The following AGO3 variants were observed in gnomAD, a reference collection of about 807,000 sequenced individuals.
AGO3 encodes argonaute RISC catalytic component 3, also known as protein argonaute-3.
In AGO3, 16 loss-of-function variants were observed where a neutral mutation model predicts 105.5. The observed-to-expected ratio is 0.15, with a 90% CI of 0.10 to 0.23. The LOEUF is 0.23. Ranked by LOEUF, AGO3 falls within the 10% of genes least tolerant of loss-of-function variation. The pLI is 1.00. For synonymous variants in AGO3, 340 were observed against 367.3 expected (o/e 0.93, Z 0.85); for missense variants, 534 against 1,088.0 (o/e 0.49, Z 7.16).
At position 36,061,638 on chromosome 1, in the gene AGO3, C is replaced by G. The variant is rs555749159; in HGVS notation, c.*5893C>G. On this transcript the variant is annotated 3_prime_UTR_variant, in exon 19 of 19. Coordinates refer to ENST00000373191, the MANE Select transcript of AGO3 (RefSeq NM_024852.4). ...CATCGGGGTCCCTTCCTTTTTTAGACTAATTTCTAAGGTAACCAGAATCTA... is the reference window on the plus strand; with the variant it reads ...CATCGGGGTCCCTTCCTTTTTTAGAGTAATTTCTAAGGTAACCAGAATCTA... 1.4e-4 allele frequency: 22 copies of G among 152,132 alleles called. No individual in the cohort carries two copies. Among genetic ancestry groups the G allele is most frequent in the Non-Finnish European group, 2.6e-4 (18 of 68,008 alleles). 9.4% of individuals were successfully genotyped at this position (152,132 alleles called of 1,614,324 possible).
At chr1:35,952,149 T>TTTC (rs1557648239) in intron 2 of AGO3, among the ~76,000 whole-genome samples, 1 of 103,394 alleles carries the variant, frequency 9.7e-6, no homozygotes, top group Non-Finnish European at 1.8e-5. Context: ...TCTTTCTTTC[T>TTTC]TTTTTTTTTT....
At chr1:35,980,611 T>C (rs1647035921) in intron 5 of AGO3, among the ~76,000 whole-genome samples, 2 of 152,218 alleles carry the variant, frequency 1.3e-5, no homozygotes, top group African/African-American at 4.8e-5. Flanking sequence ...TTTGGCTAGA[T>C]GTGGAATTGT....
At chr1:35,982,364 G>T (rs957084204) in intron 5 of AGO3, among the ~76,000 whole-genome samples, 1 of 152,058 alleles carries the variant, frequency 6.6e-6, no homozygotes, top group African/African-American at 2.4e-5. Context: ...TATCAGAACT[G>T]GTATGATCAG....
intron 5 of AGO3, among the ~76,000 whole-genome samples, chr1:35,973,774 A>G (rs1646909335): frequency 6.6e-6 from 1 of 152,206 alleles, no homozygotes. Context: ...ATCTTCTATT[A>G]TAACTCACTT....
rs577744264 is a variant in AGO3 at position 35,968,278 on chromosome 1, CATATGTAACATAAA to C, written c.312+1206_312+1219del. On this transcript the variant is annotated intron_variant, in intron 3 of 18. Transcript: ENST00000373191. ...GATTCTTTTTGTAATTGTGATAAAACATATGTAACATAAAATTTACCGTCTTAACCATTTTTAAG... is the reference window on the plus strand; with the variant it reads ...GATTCTTTTTGTAATTGTGATAAAACATTTACCGTCTTAACCATTTTTAAG... Among the ~76,000 whole-genome samples the C allele has an allele frequency of 3.1e-3, 468 of 152,244 alleles. 1 individual carries two copies. Among genetic ancestry groups the C allele is most frequent in the Middle Eastern group, 0.01 (3 of 294 alleles).
chr1:35,956,115 A>G (rs908077840), intron 2 of AGO3, among the ~76,000 whole-genome samples: 1 of 152,200 alleles, frequency 6.6e-6, no homozygotes, highest in African/African-American at 2.4e-5. Flanking sequence ...CCTCTGGTAC[A>G]TATTTTTCTG....
In AGO3 at chr1:35,938,916, T is replaced by G. The variant is rs534149114; in HGVS notation, c.20-6776T>G. Among the ~76,000 whole-genome samples, 5 of 152,276 alleles carry G rather than the reference T, an allele frequency of 3.3e-5. No homozygotes were observed. In the South Asian group the frequency reaches 1.0e-3, roughly 32 times the overall value. ...TTTAGACTTTCCAACTGGTACACAT[T>G]GGATTACTAGATGAGTGAACAACAT... On this transcript the variant is annotated intron_variant, in intron 1 of 18. Coordinates refer to ENST00000373191, the MANE Select transcript of AGO3 (RefSeq NM_024852.4).
intron 6 of AGO3, among the ~76,000 whole-genome samples, chr1:36,007,715 T>C (rs1163915024): frequency 6.6e-6 from 1 of 151,874 alleles, no homozygotes; most frequent in Non-Finnish European, 1.5e-5. Context: ...CTAAATAAAA[T>C]TAAATTTTCA....
At chr1:36,047,051 C>T (rs1383616545) in intron 17 of AGO3, among the ~76,000 whole-genome samples, 1 of 152,016 alleles carries the variant, frequency 6.6e-6, no homozygotes, top group African/African-American at 2.4e-5. Context: ...TCAAGACCAG[C>T]CTGACCAACA....
intron 5 of AGO3, among the ~76,000 whole-genome samples, chr1:35,973,854 C>T (rs1646910680): frequency 6.6e-6 from 1 of 152,138 alleles, no homozygotes. Flanking sequence ...TTCTGTTGGG[C>T]ATGGTGACCC....
intron 12 of AGO3, among the ~76,000 whole-genome samples, chr1:36,032,609 C>G (rs1299020025): frequency 3.3e-5 from 5 of 152,134 alleles, no homozygotes; most frequent in African/African-American, 7.2e-5. Context: ...GTCTCTAACT[C>G]CTGGGCTCAA....
chr1:35,995,207 AAAATAT>A (rs1283912753), intron 5 of AGO3, among the ~76,000 whole-genome samples: 2 of 106,482 alleles, frequency 1.9e-5, no homozygotes, highest in Admixed American at 9.6e-5. Context: ...TCTAAAAAAA[AAAATAT>A]ATATATATAT....
chr1:36,020,967 C>G (rs1396890247), intron 11 of AGO3, among the ~76,000 whole-genome samples: 1 of 152,042 alleles, frequency 6.6e-6, no homozygotes, highest in Non-Finnish European at 1.5e-5. Context: ...GAGTCTCGTT[C>G]TGTCACCCAG....
Position 36,027,255 on chromosome 1 carries a change from A to G in AGO3, c.1548A>G (p.Leu516=). 6.2e-7 allele frequency: 1 copy of G among 1,614,102 alleles called. No homozygotes were observed. The highest frequency in any genetic ancestry group is 8.5e-7 in the Non-Finnish European group (1 of 1,179,984). ...FRHLKNTYSG[L]QLIIVILPGK... The stretch of plus-strand genomic sequence containing the variant: ...ATCTCAAGAACACATATTCTGGCCT[A>G]CAGCTTATTATCGTCATCCTGCCGG... The change falls in exon 12 of 19, where the codon CTA becomes CTG. Residue 516 remains leucine (L), a synonymous_variant. Transcript: ENST00000373191. This position sits in a 1 kb window ranked among gnomAD's most constrained non-coding sequence, Gnocchi z 4.0.
In AGO3 at chr1:36,027,050, A is replaced by G. The variant is rs274727; in HGVS notation, c.1407-64A>G. 15,469 of 1,529,828 alleles carry G rather than the reference A, an allele frequency of 0.01. 1,238 individuals carry two copies. In the African/African-American group the frequency reaches 0.18, roughly 18 times the overall value. 94.8% of individuals were successfully genotyped at this position (1,529,828 alleles called of 1,614,324 possible). Reference sequence around the variant, plus strand: ...CTTCCATTCCCTTCCCAAACTTCCCATTACTACTTTGTAGGAATTCATGAC... The same window carrying G: ...CTTCCATTCCCTTCCCAAACTTCCCGTTACTACTTTGTAGGAATTCATGAC... On this transcript the variant is annotated intron_variant, in intron 11 of 18. Transcript: ENST00000373191. The surrounding 1 kb of genome is among the most constrained non-coding windows in gnomAD (Gnocchi z 4.0).
At chr1:35,990,462 T>C (rs1220459557) in intron 5 of AGO3, among the ~76,000 whole-genome samples, 5 of 152,228 alleles carry the variant, frequency 3.3e-5, no homozygotes, top group East Asian at 1.9e-4. Flanking sequence ...GAGCCAAGAT[T>C]GCACCACTGC....
intron 2 of AGO3, among the ~76,000 whole-genome samples, chr1:35,952,933 A>G (rs993520389): frequency 6.6e-6 from 1 of 152,230 alleles, no homozygotes; most frequent in African/African-American, 2.4e-5. Context: ...GTATGGATAT[A>G]ATACATTTTG....
rs1557722340 is a variant in AGO3 at position 36,064,166 on chromosome 1, G to A, written c.*8421G>A. 6.6e-6 allele frequency: 1 copy of A among 152,388 alleles called. No homozygotes were observed. Among genetic ancestry groups the A allele is most frequent in the Non-Finnish European group, 1.5e-5 (1 of 68,174 alleles). The allele number at this position is 152,388 out of a possible 1,614,324, so 9.4% of individuals were successfully genotyped here. A position where few individuals can be genotyped will look rare whatever the true frequency, so the allele number is the denominator to read the frequency against. On this transcript the variant is annotated 3_prime_UTR_variant, in exon 19 of 19. Coordinates refer to ENST00000373191, the MANE Select transcript of AGO3 (RefSeq NM_024852.4). ...AGGCCGAGGCAGGCAGACCACCTGA[G>A]GTCAGGGGTTCGTGACCAGCCTGGC...
Position 36,040,316 on chromosome 1 carries a change from T to C in AGO3, c.2047T>C (p.Tyr683His). ...SEGQFRQVLY[Y>H]ELLAIREACI... Reference sequence around the variant, plus strand: ...ATTTCATATTCTCTAGGTATTATATTATGAACTACTAGCAATTCGAGAAGC... The same window carrying C: ...ATTTCATATTCTCTAGGTATTATATCATGAACTACTAGCAATTCGAGAAGC... Residue 683 changes from tyrosine to histidine, a missense_variant, in exon 16 of 19, where the codon TAT becomes CAT. Around this residue, in one of 2 missense-constraint regions of AGO3, gnomAD observed 373 missense variants for 854.0 expected, o/e 0.44. Coordinates refer to ENST00000373191, the MANE Select transcript of AGO3 (RefSeq NM_024852.4). The C allele has an allele frequency of 4.3e-6, 7 of 1,613,270 alleles. No individual in the cohort carries two copies. The highest frequency in any genetic ancestry group is 5.1e-6 in the Non-Finnish European group (6 of 1,179,358).
Sources: gnomAD v4.1 joint callset for allele counts (sites outside exome capture counted in the v4.1 genomes callset) on GRCh38, gnomAD v4.1.1 for gene constraint, gnomAD v4.1.1 regional missense constraint, Gnocchi (gnomAD v3.1) non-coding constraint, MANE v1.5 for transcripts, NCBI Gene and HGNC (gene_info 2026-07-23, HGNC 2026-07-21) for gene names.